Variants in VPS35L observed in about 807,000 individuals in gnomAD.
The protein encoded by VPS35L is VPS35 endosomal protein-sorting factor-like.
VPS35L carries 83 observed loss-of-function variants against 133.0 expected under a neutral mutation model. That is an observed-to-expected ratio of 0.62 (90% CI 0.52 to 0.75). VPS35L has a LOEUF of 0.75. VPS35L is among the 30% of genes least tolerant of loss of function. VPS35L has a pLI of 0.00. For synonymous variants in VPS35L, 423 were observed against 449.9 expected, an observed-to-expected ratio of 0.94 and a Z score of 0.76; for missense variants, 1,083 against 1,206.8, an observed-to-expected ratio of 0.90 and a Z score of 1.52.
At chr16:19,583,758 A>G (rs1257971205) in intron 7 of VPS35L, among the ~76,000 whole-genome samples, 1 of 151,930 alleles carries the variant, frequency 6.6e-6, no homozygotes, top group Non-Finnish European at 1.5e-5. Context: ...AAGAAAATAC[A>G]CAATAAATTT....
At chr16:19,578,700 C>A in intron 5 of VPS35L, 1 of 327,334 alleles carries the variant, frequency 3.1e-6, no homozygotes, top group South Asian at 2.7e-5. Flanking sequence ...CTAAGAGGGC[C>A]TTTTGTTCAT....
chr16:19,680,405 C>T (rs116608602), intron 27 of VPS35L, among the ~76,000 whole-genome samples: 5,631 of 152,264 alleles, frequency 0.037, 254 homozygotes, highest in African/African-American at 0.11. Flanking sequence ...ACACCATCCA[C>T]ATTGAGTTCC....
chr16:19,620,266 T>C (rs1973034438), intron 14 of VPS35L, among the ~76,000 whole-genome samples: 2 of 152,320 alleles, frequency 1.3e-5, no homozygotes, highest in Non-Finnish European at 1.5e-5. Flanking sequence ...CAGTTAAATA[T>C]GGTTGTGGTT....
At chr16:19,640,840 A>G (rs1266387093) in intron 21 of VPS35L, among the ~76,000 whole-genome samples, 1 of 152,260 alleles carries the variant, frequency 6.6e-6, no homozygotes, top group East Asian at 1.9e-4. Context: ...TGACCTTCTC[A>G]TGCTCAGGTG....
chr16:19,611,039 G>A lies in VPS35L; in HGVS notation c.1023+624G>A, dbSNP rs57787617. On this transcript the variant is annotated intron_variant, in intron 12 of 30. Transcript: ENST00000417362. Reference sequence around the variant, plus strand: ...TTTGGAGATGGAGTCTTACTGTGTCGCCCAGGCTGGAGTGCAGTGGCGCCA... The same window carrying A: ...TTTGGAGATGGAGTCTTACTGTGTCACCCAGGCTGGAGTGCAGTGGCGCCA... Among the ~76,000 whole-genome samples the A allele has an allele frequency of 5.6e-3, 857 of 152,180 alleles. 11 individuals carry two copies. The highest frequency in any genetic ancestry group is 0.02 in the African/African-American group (813 of 41,510).
In VPS35L at chr16:19,627,718, G is replaced by C. The variant is rs746441101; in HGVS notation, c.1296G>C (p.Met432Ile). ...GNNALLLNSV[M>I]SAFRAEFIAT... is the part of the protein sequence containing the mutation. ...GTGCCTTGCTGTTGAATTCTGTGAT[G>C]TCTGCCTTCCGGGCTGAGTTCATCG... Residue 432 changes from methionine to isoleucine, a missense_variant, in exon 16 of 31, where the codon ATG becomes ATC. Physicochemically the swap from Met to Ile is conservative, Grantham distance 10 (BLOSUM62 1). Coordinates refer to ENST00000417362, the MANE Select transcript of VPS35L (RefSeq NM_020314.7). The C allele has an allele frequency of 3.7e-6, 6 of 1,613,918 alleles. No homozygotes were observed. The highest frequency in any genetic ancestry group is 5.1e-6 in the Non-Finnish European group (6 of 1,179,806).
rs569208292 is a variant in VPS35L, at chr16:19,568,306, CT to C, written c.118-1106del. Among the ~76,000 whole-genome samples the C allele has an allele frequency of 2.3e-3, 338 of 144,696 alleles. 2 individuals carry two copies. Among genetic ancestry groups the C allele is most frequent in the South Asian group, 0.013 (58 of 4,576 alleles). The allele number at this position is 144,696 out of a possible 152,430, so 94.9% of individuals were successfully genotyped here. On this transcript the variant is annotated intron_variant, in intron 2 of 30. Transcript: ENST00000417362. ...TGGAAGCTCTTCAAACCGCCCCCCC[CT>C]TTTTTTTTTTTGAGACAGGGTCTCA...
intron 8 of VPS35L, among the ~76,000 whole-genome samples, chr16:19,596,328 G>T (rs1318566759): frequency 2.0e-5 from 3 of 151,496 alleles, no homozygotes; most frequent in African/African-American, 7.3e-5. Context: ...AGGCCACAGT[G>T]CAATGGGGTG....
intron 15 of VPS35L, among the ~76,000 whole-genome samples, chr16:19,627,050 G>GC (rs1302164229): frequency 1.7e-4 from 26 of 152,158 alleles, no homozygotes; most frequent in Non-Finnish European, 3.7e-4. Flanking sequence ...GGGAGGCTGA[G>GC]ACGGGTGGAT....
chr16:19,566,453 G>A (rs550530679), intron 2 of VPS35L, among the ~76,000 whole-genome samples: 16 of 152,220 alleles, frequency 1.1e-4, no homozygotes, highest in African/African-American at 2.9e-4. Context: ...CTAAGATCAC[G>A]CCACTGCCCT....
intron 18 of VPS35L, among the ~76,000 whole-genome samples, chr16:19,632,853 T>C (rs910413779): frequency 2.0e-5 from 3 of 152,224 alleles, no homozygotes; most frequent in African/African-American, 7.2e-5. Flanking sequence ...GCAGAGACAA[T>C]GTAAAGCCCC....
rs770828011 is a variant in VPS35L at position 19,601,671 on chromosome 16, C to T, written c.732C>T (p.Leu244=). 9 of 1,614,112 alleles carry T rather than the reference C, an allele frequency of 5.6e-6. No individual in the cohort carries two copies. Among genetic ancestry groups the T allele is most frequent in the East Asian group, 4.5e-5 (2 of 44,882 alleles). The change falls in exon 9 of 31, where the codon CTC becomes CTT. Residue 244 remains leucine (L), a synonymous_variant. Coordinates refer to ENST00000417362, the MANE Select transcript of VPS35L (RefSeq NM_020314.7). ...ITDILDTFGK[L]VYERIFSMCV... ...CTGTCCTTTTCCTCCCAGGAAAGCT[C>T]GTGTACGAGCGCATCTTTTCCATGT... is the stretch of plus-strand genomic sequence containing the variant.
chr16:19,579,320 G>T, intron 6 of VPS35L, 192 bp downstream of exon 6: 1 of 546,096 alleles, frequency 1.8e-6, no homozygotes, highest in Non-Finnish European at 3.2e-6. Flanking sequence ...AGCCTGACTG[G>T]GGCTGCTTTT....
At chr16:19,562,909 C>T (rs1296712791) in intron 1 of VPS35L, among the ~76,000 whole-genome samples, 1 of 151,908 alleles carries the variant, frequency 6.6e-6, no homozygotes, top group Admixed American at 6.6e-5. Flanking sequence ...CACACACCAC[C>T]ACACCCAGCA....
intron 14 of VPS35L, among the ~76,000 whole-genome samples, chr16:19,620,133 C>T (rs981411078): frequency 1.6e-4 from 24 of 152,264 alleles, no homozygotes; most frequent in East Asian, 3.9e-4. Context: ...CATAATAAAG[C>T]GCCATAGAAT....
chr16:19,577,202 G>A (rs1230171865), intron 5 of VPS35L, among the ~76,000 whole-genome samples: 3 of 152,190 alleles, frequency 2.0e-5, no homozygotes, highest in African/African-American at 7.2e-5. Context: ...AAGAAGCATG[G>A]TGCAGCATCT....
At chr16:19,673,220 T>C (rs1974936286) in intron 27 of VPS35L, among the ~76,000 whole-genome samples, 1 of 152,240 alleles carries the variant, frequency 6.6e-6, no homozygotes, top group Admixed American at 6.5e-5. Flanking sequence ...CCGGTAGACA[T>C]GTAGACACTT....
Position 19,633,020 on chromosome 16 carries a change from T to C in VPS35L, c.1555-72T>C. 24 of 1,181,204 alleles carry C rather than the reference T, an allele frequency of 2.0e-5. No individual in the cohort carries two copies. The Middle Eastern group carries it at 7.7e-4, about 38-fold the overall frequency. The allele number at this position is 1,181,204 out of a possible 1,614,324, so 73.2% of individuals were successfully genotyped here. On this transcript the variant is annotated intron_variant, in intron 18 of 30. Coordinates refer to ENST00000417362, the MANE Select transcript of VPS35L (RefSeq NM_020314.7). This position sits in a 1 kb window ranked among gnomAD's most constrained non-coding sequence, Gnocchi z 4.1. ...TGATATATTCTGAATACGTTAGTCCTTTCCCCCAGGAACATGGTCAGCAGT... is the reference window on the plus strand; with the variant it reads ...TGATATATTCTGAATACGTTAGTCCCTTCCCCCAGGAACATGGTCAGCAGT...
chr16:19,677,604 C>T (rs72769514), intron 27 of VPS35L, among the ~76,000 whole-genome samples: 31,378 of 152,064 alleles, frequency 0.21, 3,998 homozygotes, highest in Non-Finnish European at 0.28. Context: ...CACTGTGCTC[C>T]AGAGGGACTG....
Sources: gnomAD v4.1 joint callset for allele counts (sites outside exome capture counted in the v4.1 genomes callset) on GRCh38, gnomAD v4.1.1 for gene constraint, Gnocchi (gnomAD v3.1) non-coding constraint, MANE v1.5 for transcripts, NCBI Gene and HGNC (gene_info 2026-07-23, HGNC 2026-07-21) for gene names.